The following RSBN1L variants were observed in gnomAD, a reference collection of about 807,000 sequenced individuals.
RSBN1L encodes the protein lysine-specific demethylase RSBN1L.
RSBN1L carries 30 observed loss-of-function variants against 67.7 expected under a neutral mutation model. The ratio of observed to expected loss-of-function variants is 0.44; its 90% CI spans 0.33 to 0.60. The LOEUF is 0.60. Among genes scored for constraint, RSBN1L ranks in the 20% least tolerant of loss-of-function variants. RSBN1L has a pLI of 0.02. For synonymous variants in RSBN1L, 433 were observed against 387.0 expected (o/e 1.12, Z -1.39); for missense variants, 992 against 1,031.7 (o/e 0.96, Z 0.53).
Position 77,706,566 on chromosome 7 carries a change from G to T in RSBN1L, c.586+9511G>T, listed in dbSNP as rs1453106937. 3.3e-5 allele frequency among the ~76,000 whole-genome samples: 5 copies of T among 152,138 alleles called. No homozygotes were observed. In the East Asian group the frequency reaches 5.8e-4, roughly 18 times the overall value. On this transcript the variant is annotated intron_variant, in intron 1 of 7. Coordinates refer to ENST00000334955, the MANE Select transcript of RSBN1L (RefSeq NM_198467.3). ...CCTAACCATTTCATTGGGGGTTAAA[G>T]AATGATGCCAAATGATTTCTAAATA...
chr7:77,773,409 A>G (rs1562810919), intron 6 of RSBN1L, 95 bp downstream of exon 6: 3 of 903,008 alleles, frequency 3.3e-6, no homozygotes, highest in South Asian at 3.0e-5. Flanking sequence ...TGTGGGAAAA[A>G]AGTTTCATTT....
At chr7:77,744,794 A>G (rs1343748180) in intron 2 of RSBN1L, among the ~76,000 whole-genome samples, 1 of 152,158 alleles carries the variant, frequency 6.6e-6, no homozygotes. Context: ...ATGTTGACAG[A>G]TTACTGTTTT....
At chr7:77,738,953 CAAAA>C (rs1397971955) in intron 2 of RSBN1L, among the ~76,000 whole-genome samples, 2 of 151,986 alleles carry the variant, frequency 1.3e-5, no homozygotes, top group Admixed American at 6.6e-5. Flanking sequence ...AAACAAAAAA[CAAAA>C]AACACCAATA....
At chr7:77,698,047 A>G (rs2150410060) in intron 1 of RSBN1L, among the ~76,000 whole-genome samples, 1 of 152,340 alleles carries the variant, frequency 6.6e-6, no homozygotes, top group Non-Finnish European at 1.5e-5. Flanking sequence ...TGTTTTTTAG[A>G]AAAAGAAATG....
At chr7:77,729,989 A>G (rs1791253603) in intron 1 of RSBN1L, among the ~76,000 whole-genome samples, 1 of 152,160 alleles carries the variant, frequency 6.6e-6, no homozygotes, top group African/African-American at 2.4e-5. Context: ...TCTTTTTTAT[A>G]TCTTAATCTT....
intron 1 of RSBN1L, among the ~76,000 whole-genome samples, chr7:77,702,727 T>C (rs1790835088): frequency 6.6e-6 from 1 of 152,204 alleles, no homozygotes. Context: ...TTTATAATTC[T>C]GGTGGCTGGA....
intron 1 of RSBN1L, among the ~76,000 whole-genome samples, chr7:77,704,824 C>G (rs1424113889): frequency 6.6e-6 from 1 of 151,946 alleles, no homozygotes; most frequent in East Asian, 1.9e-4. Flanking sequence ...ACCAAAAATA[C>G]AAAAATTAGG....
intron 1 of RSBN1L, among the ~76,000 whole-genome samples, chr7:77,716,718 G>A (rs918520352): frequency 7.6e-5 from 10 of 131,090 alleles, no homozygotes; most frequent in African/African-American, 2.3e-4. Flanking sequence ...TGCAGTCTCC[G>A]CCTCCTGTGT....
chr7:77,722,968 C>CTT (rs71531006), intron 1 of RSBN1L, among the ~76,000 whole-genome samples: 2,983 of 132,284 alleles, frequency 0.023, 55 homozygotes, highest in Non-Finnish European at 0.031. Context: ...TTTCTCTCTT[C>CTT]TTTTTTTTTT....
intron 1 of RSBN1L, among the ~76,000 whole-genome samples, chr7:77,708,527 G>A (rs560125312): frequency 5.9e-5 from 9 of 152,030 alleles, no homozygotes; most frequent in East Asian, 1.9e-4. Flanking sequence ...GACTACAGGC[G>A]TCCGCCACCG....
chr7:77,697,271 C>A (rs1790750154), intron 1 of RSBN1L: 3 of 405,482 alleles, frequency 7.4e-6, no homozygotes, highest in Non-Finnish European at 8.4e-6. Context: ...GGCCGACACT[C>A]TTATTTTCTG....
chr7:77,702,459 GCTTT>G (rs1790831191), intron 1 of RSBN1L, among the ~76,000 whole-genome samples: 1 of 152,002 alleles, frequency 6.6e-6, no homozygotes, highest in African/African-American at 2.4e-5. Flanking sequence ...TGTTTTGGTT[GCTTT>G]CTTTTAGTTG....
chr7:77,725,539 G>A (rs552158113), intron 1 of RSBN1L, among the ~76,000 whole-genome samples: 1 of 152,012 alleles, frequency 6.6e-6, no homozygotes, highest in South Asian at 2.1e-4. Context: ...GAGCCATGGC[G>A]CCCGGCCAGG....
chr7:77,722,371 T>G (rs189515617), intron 1 of RSBN1L, among the ~76,000 whole-genome samples: 9 of 151,990 alleles, frequency 5.9e-5, no homozygotes, highest in African/African-American at 2.2e-4. Context: ...GATGGTGGGA[T>G]TATGAGAATG....
intron 6 of RSBN1L, among the ~76,000 whole-genome samples, chr7:77,774,509 A>C (rs1446093260): frequency 6.6e-6 from 1 of 152,192 alleles, no homozygotes. Flanking sequence ...TGGGCAGATC[A>C]TGAGGTCAGG....
intron 2 of RSBN1L, among the ~76,000 whole-genome samples, chr7:77,736,750 CGTT>C (rs1791342675): frequency 6.6e-6 from 1 of 152,054 alleles, no homozygotes; most frequent in Non-Finnish European, 1.5e-5. Flanking sequence ...GGTTAAGCTT[CGTT>C]AAACTTAATT....
At chr7:77,697,217 G>A (rs1038922304) in intron 1 of RSBN1L, 162 bp downstream of exon 1, 7 of 718,104 alleles carry the variant, frequency 9.7e-6, no homozygotes, top group Admixed American at 4.5e-5. Context: ...GTTCCCAAGG[G>A]GACAGGAAAT....
At chr7:77,745,865 C>T (rs924930993) in intron 2 of RSBN1L, among the ~76,000 whole-genome samples, 1 of 152,270 alleles carries the variant, frequency 6.6e-6, no homozygotes, top group South Asian at 2.1e-4. Context: ...CATCTCAGAT[C>T]GTTAGGCATT....
intron 1 of RSBN1L, among the ~76,000 whole-genome samples, chr7:77,733,047 A>G (rs1791291224): frequency 1.3e-5 from 2 of 152,256 alleles, no homozygotes; most frequent in East Asian, 1.9e-4. Flanking sequence ...CAATCTGAGC[A>G]TTTTGAGGGG....
Sources: gnomAD v4.1 joint callset for allele counts (sites outside exome capture counted in the v4.1 genomes callset) on GRCh38, gnomAD v4.1.1 for gene constraint, MANE v1.5 for transcripts, NCBI Gene and HGNC (gene_info 2026-07-23, HGNC 2026-07-21) for gene names.